The following SHANK1 variants were observed in gnomAD, a reference collection of about 807,000 sequenced individuals.
The protein encoded by SHANK1 is SH3 and multiple ankyrin repeat domains 1.
Under a neutral mutation model 165.6 loss-of-function variants are expected in SHANK1, and 35 were observed. The ratio of observed to expected loss-of-function variants is 0.21; its 90% CI spans 0.16 to 0.28. SHANK1 has a LOEUF of 0.28. Among genes scored for constraint, SHANK1 ranks in the 10% least tolerant of loss-of-function variants. The pLI is 1.00. For missense variants in SHANK1, 2,681 were observed against 3,036.4 expected, an observed-to-expected ratio of 0.88 and a Z score of 2.75; for synonymous variants, 1,428 against 1,384.8, an observed-to-expected ratio of 1.03 and a Z score of -0.69.
At chr19:50,699,917 CG>C (rs1986856852) in intron 12 of SHANK1, among the ~76,000 whole-genome samples, 5 of 56,436 alleles carry the variant, frequency 8.9e-5, no homozygotes, top group African/African-American at 3.4e-4. Context: ...TTGGAGGGCT[CG>C]GGGCATTGGA....
At chr19:50,714,394 T>C in intron 4 of SHANK1, 104 bp from the exon 5 acceptor site, 1 of 934,618 alleles carries the variant, frequency 1.1e-6, no homozygotes, top group Non-Finnish European at 1.6e-6. Context: ...TGGAGTCACA[T>C]ACGCCATTGA....
intron 18 of SHANK1, 78 bp downstream of exon 18, chr19:50,687,845 G>A (rs1986407448): frequency 1.9e-6 from 3 of 1,573,442 alleles, no homozygotes; most frequent in East Asian, 2.3e-5. Flanking sequence ...GCCTTGGGCA[G>A]CAGCAACCAG....
In SHANK1 at chr19:50,704,665, G is replaced by C. The variant is rs972808255; in HGVS notation, c.1078-151C>G. ...AGGACAGCAGCCACCTGCCAGGTAC[G>C]GACCAGGAGCACTTTAGTTTAAACG... On this transcript the variant is annotated intron_variant, in intron 8 of 23. Coordinates refer to ENST00000293441, the MANE Select transcript of SHANK1 (RefSeq NM_016148.5). 65 of 687,980 alleles carry C rather than the reference G, an allele frequency of 9.4e-5. No individual in the cohort carries two copies. The South Asian group carries it at 1.1e-3, about 12-fold the overall frequency. 42.6% of individuals were successfully genotyped at this position (687,980 alleles called of 1,614,324 possible). A position where few individuals can be genotyped will look rare whatever the true frequency, so the allele number is the denominator to read the frequency against.
chr19:50,667,420 C>T lies in SHANK1; in HGVS notation c.4540G>A (p.Asp1514Asn). 1.3e-6 allele frequency: 2 copies of T among 1,519,640 alleles called. No individual in the cohort carries two copies. The highest frequency in any genetic ancestry group is 1.8e-6 in the Non-Finnish European group (2 of 1,140,652). 94.1% of individuals were successfully genotyped at this position (1,519,640 alleles called of 1,614,324 possible). ...VTSGRGPPSE[D>N]GPGVPPPSPR... ...CTGGGCGGCGGGACCCCCGGCCCGTCCTCCGAGGGGGGACCCCTTCCGCTC... is the reference window on the plus strand; with the variant it reads ...CTGGGCGGCGGGACCCCCGGCCCGTTCTCCGAGGGGGGACCCCTTCCGCTC... The change falls in exon 23 of 24, where the codon GAC becomes AAC. Residue 1514 changes from aspartate to asparagine, a missense_variant. Physicochemically the swap from Asp to Asn is conservative, Grantham distance 23. Coordinates refer to ENST00000293441, the MANE Select transcript of SHANK1 (RefSeq NM_016148.5). The surrounding 1 kb of genome is among the most constrained non-coding windows in gnomAD (Gnocchi z 5.7).
rs1334122643 is a variant in SHANK1, at chr19:50,718,532, G to A, written c.-44+874C>T. On this transcript the variant is annotated intron_variant, in intron 1 of 23. Coordinates refer to ENST00000293441, the MANE Select transcript of SHANK1 (RefSeq NM_016148.5). This position sits in a 1 kb window ranked among gnomAD's most constrained non-coding sequence, Gnocchi z 5.1. ...CCCTCAGGGCTCGCGGGAGGGAGCG[G>A]GCACGCTCCGCCGGGGCGGCATGAA... Among the ~76,000 whole-genome samples, 1 of 152,216 alleles carries A rather than the reference G, an allele frequency of 6.6e-6. No individual in the cohort carries two copies. The highest frequency in any genetic ancestry group is 1.5e-5 in the Non-Finnish European group (1 of 68,028).
chr19:50,710,586 G>T lies in SHANK1; in HGVS notation c.1077+785C>A, dbSNP rs538975043. Among the ~76,000 whole-genome samples the T allele has an allele frequency of 7.5e-4, 114 of 152,308 alleles. 1 individual carries two copies. In the South Asian group the frequency reaches 0.016, roughly 21 times the overall value. Reference sequence around the variant, plus strand: ...AAGACCCGGCTCTTGCCAACCAGCTGCCACGAGCCCCCCTGCCTGCTCCGT... The same window carrying T: ...AAGACCCGGCTCTTGCCAACCAGCTTCCACGAGCCCCCCTGCCTGCTCCGT... On this transcript the variant is annotated intron_variant, in intron 8 of 23. Coordinates refer to ENST00000293441, the MANE Select transcript of SHANK1 (RefSeq NM_016148.5).
chr19:50,661,869 C>T lies in SHANK1; in HGVS notation c.*96G>A. 1 of 1,417,184 alleles carries T rather than the reference C, an allele frequency of 7.1e-7. No homozygotes were observed. The highest frequency in any genetic ancestry group is 9.8e-7 in the Non-Finnish European group (1 of 1,020,766). 87.8% of individuals were successfully genotyped at this position (1,417,184 alleles called of 1,614,324 possible). On this transcript the variant is annotated 3_prime_UTR_variant, in exon 24 of 24. Coordinates refer to ENST00000293441, the MANE Select transcript of SHANK1 (RefSeq NM_016148.5). ...GCAGGGCGCAGTTTGAACAGAGTCC[C>T]TGGCCCGGGGAGAGAATGACAGTCA...
In SHANK1 at chr19:50,661,852, C is replaced by T; in HGVS notation, c.*113G>A. On this transcript the variant is annotated 3_prime_UTR_variant, in exon 24 of 24. Transcript: ENST00000293441. ...GGCCTTGGGAGATGAGGGCAGGGCG[C>T]AGTTTGAACAGAGTCCCTGGCCCGG... 1 of 1,222,156 alleles carries T rather than the reference C, an allele frequency of 8.2e-7. No individual in the cohort carries two copies. The highest frequency in any genetic ancestry group is 1.2e-6 in the Non-Finnish European group (1 of 854,946). 75.7% of individuals were successfully genotyped at this position (1,222,156 alleles called of 1,614,324 possible). A position where few individuals can be genotyped will look rare whatever the true frequency, so the allele number is the denominator to read the frequency against.
At position 50,719,632 on chromosome 19, in the gene SHANK1, T is replaced by G. The variant is rs1302259693; in HGVS notation, c.-270A>C. On this transcript the variant is annotated 5_prime_UTR_variant, in exon 1 of 24. Coordinates refer to ENST00000293441, the MANE Select transcript of SHANK1 (RefSeq NM_016148.5). ...CTGGCCATCCGCAGAGCGCCCCCCC[T>G]TCCGCCGCGGCCGCCGCGCCCCTCC... is the stretch of plus-strand genomic sequence containing the variant. Among the ~76,000 whole-genome samples, 1 of 133,400 alleles carries G rather than the reference T, an allele frequency of 7.5e-6. No homozygotes were observed. The highest frequency in any genetic ancestry group is 2.5e-4 in the South Asian group (1 of 4,026). 87.5% of individuals were successfully genotyped at this position (133,400 alleles called of 152,430 possible).
rs147591667 is a variant in SHANK1, at chr19:50,691,129, G to A, written c.1965-1850C>T. Among the ~76,000 whole-genome samples, 109 of 152,268 alleles carry A rather than the reference G, an allele frequency of 7.2e-4. 2 individuals are homozygous for A. The East Asian group carries it at 0.019, about 26-fold the overall frequency. On this transcript the variant is annotated intron_variant, in intron 15 of 23. Transcript: ENST00000293441. ...GTCTTCCTCCCCTGGATAGAGAGGT[G>A]TTGGCAGAGAAGGAGGGAAGGGGCT...
rs560392328 is a variant in SHANK1, at chr19:50,682,672, T to TG, written c.2577+3564dup. Among the ~76,000 whole-genome samples the TG allele has an allele frequency of 2.6e-3, 400 of 152,092 alleles. 1 individual carries two copies. Among genetic ancestry groups the TG allele is most frequent in the African/African-American group, 8.7e-3 (362 of 41,476 alleles). On this transcript the variant is annotated intron_variant, in intron 21 of 23. Coordinates refer to ENST00000293441, the MANE Select transcript of SHANK1 (RefSeq NM_016148.5). Reference sequence around the variant, plus strand: ...AGGGAGGAGAGTGTAAAATACAGACTGGGGGGAGGCATGAAGAAATGGGAT... The same window carrying TG: ...AGGGAGGAGAGTGTAAAATACAGACTGGGGGGGAGGCATGAAGAAATGGGAT...
In SHANK1 at chr19:50,686,803, T is replaced by C; in HGVS notation, c.2399A>G (p.Gln800Arg). 4 of 1,613,688 alleles carry C rather than the reference T, an allele frequency of 2.5e-6. No homozygotes were observed. The highest frequency in any genetic ancestry group is 3.4e-6 in the Non-Finnish European group (4 of 1,179,756). The change falls in exon 20 of 24, where the codon CAG (glutamine) becomes CGG (arginine). Residue 800 changes from glutamine to arginine, a missense_variant. This residue lies in a region of SHANK1 where 206 missense variants were observed against 216.0 expected (regional missense o/e 0.95). Transcript: ENST00000293441. The surrounding 1 kb of genome is among the most constrained non-coding windows in gnomAD (Gnocchi z 5.7). ...CATGCTGGGCACCGGCGCCGGCTGC[T>C]GCTCGTACTCTGTGGGCAAAGAACA... ...TSELEEMEYE[Q>R]QPAPVPSMEK...
chr19:50,686,822 A>G lies in SHANK1; in HGVS notation c.2390-10T>C. The G allele has an allele frequency of 1.2e-6, 2 of 1,613,460 alleles. No homozygotes were observed. Among genetic ancestry groups the G allele is most frequent in the Non-Finnish European group, 1.7e-6 (2 of 1,179,642 alleles). On this transcript the variant is annotated splice_polypyrimidine_tract_variant and intron_variant, in intron 19 of 23. Transcript: ENST00000293441. This position sits in a 1 kb window ranked among gnomAD's most constrained non-coding sequence, Gnocchi z 5.7. Reference sequence around the variant, plus strand: ...GGCTGCTGCTCGTACTCTGTGGGCAAAGAACACGGATGACGCCCAGGGAGC... The same window carrying G: ...GGCTGCTGCTCGTACTCTGTGGGCAGAGAACACGGATGACGCCCAGGGAGC...
At chr19:50,665,069 T>C (rs114096891) in intron 23 of SHANK1, among the ~76,000 whole-genome samples, 1 of 152,130 alleles carries the variant, frequency 6.6e-6, no homozygotes, top group African/African-American at 2.4e-5. Context: ...TTAATAACTT[T>C]TTGTTCATCA....
intron 12 of SHANK1, among the ~76,000 whole-genome samples, chr19:50,698,455 G>A (rs1309363269): frequency 6.6e-6 from 1 of 152,136 alleles, no homozygotes; most frequent in Non-Finnish European, 1.5e-5. Context: ...GAAGGGAAAA[G>A]AGATTAGCAT....
Position 50,668,420 on chromosome 19 carries a change from C to T in SHANK1, c.3540G>A (p.Glu1180=), listed in dbSNP as rs1985650394. 3 of 1,326,520 alleles carry T rather than the reference C, an allele frequency of 2.3e-6. No individual in the cohort carries two copies. Among genetic ancestry groups the T allele is most frequent in the Admixed American group, 6.2e-5 (2 of 32,290 alleles). 82.2% of individuals were successfully genotyped at this position (1,326,520 alleles called of 1,614,324 possible). The change falls in exon 23 of 24, where the codon GAG becomes GAA. Residue 1180 remains glutamate (E), a synonymous_variant. Transcript: ENST00000293441. ...RSSQGSSTEA[E]PPTQPEPTGG... ...CCGTGGGCTCCGGCTGGGTGGGGGG[C>T]TCCGCCTCGGTGCTGCTGCCCTGGC...
Position 50,686,983 on chromosome 19 carries a change from CG to C in SHANK1, c.2390-172del. The C allele has an allele frequency of 2.1e-6, 3 of 1,413,118 alleles. No individual in the cohort carries two copies. Among genetic ancestry groups the C allele is most frequent in the Non-Finnish European group, 1.8e-6 (2 of 1,082,604 alleles). The allele number at this position is 1,413,118 out of a possible 1,614,324, so 87.5% of individuals were successfully genotyped here. On this transcript the variant is annotated intron_variant, in intron 19 of 23. Coordinates refer to ENST00000293441, the MANE Select transcript of SHANK1 (RefSeq NM_016148.5). This position sits in a 1 kb window ranked among gnomAD's most constrained non-coding sequence, Gnocchi z 5.7. ...CGAGTCCGCCGGCGGGGTCGGGAGA[CG>C]GGGGCCCTCCCGCCAGTCCTGTGCC...
Position 50,711,492 on chromosome 19 carries a change from G to A in SHANK1, c.961-5C>T, listed in dbSNP as rs2089010220. 1.3e-6 allele frequency: 2 copies of A among 1,569,574 alleles called. No individual in the cohort carries two copies. The highest frequency in any genetic ancestry group is 1.7e-6 in the Non-Finnish European group (2 of 1,157,168). On this transcript the variant is annotated splice_polypyrimidine_tract_variant and splice_region_variant and intron_variant, in intron 7 of 23. Coordinates refer to ENST00000293441, the MANE Select transcript of SHANK1 (RefSeq NM_016148.5). ...AGAGTGACCCCGCTGGCAGGCCTGG[G>A]CAGGACAGGGAGCGAGGGGCATGGA... is the stretch of plus-strand genomic sequence containing the variant.
At position 50,667,367 on chromosome 19, in the gene SHANK1, CGGGGAGGGG is replaced by C. The variant is rs1035380440; in HGVS notation, c.4584_4592del (p.Pro1529_Pro1531del). On this transcript the variant is annotated inframe_deletion, in exon 23 of 24. Transcript: ENST00000293441. This position sits in a 1 kb window ranked among gnomAD's most constrained non-coding sequence, Gnocchi z 5.7. Reference sequence around the variant, plus strand: ...TCTCTTCGCTGGCCCTCGGGGAGGTCGGGGAGGGGGGCACGGACCGGCGTGGGCTGGGCG... The same window carrying C: ...TCTCTTCGCTGGCCCTCGGGGAGGTCGGCACGGACCGGCGTGGGCTGGGCG... The C allele has an allele frequency of 1.4e-6, 2 of 1,477,522 alleles. No individual in the cohort carries two copies. The highest frequency in any genetic ancestry group is 1.8e-6 in the Non-Finnish European group (2 of 1,103,230). 91.5% of individuals were successfully genotyped at this position (1,477,522 alleles called of 1,614,324 possible). A position where few individuals can be genotyped will look rare whatever the true frequency, so the allele number is the denominator to read the frequency against.
Sources: allele counts gnomAD v4.1 joint callset (sites outside exome capture counted in the v4.1 genomes callset), GRCh38; gene constraint gnomAD v4.1.1; regional missense constraint gnomAD v4.1.1; non-coding constraint Gnocchi (gnomAD v3.1); transcripts MANE v1.5; gene names NCBI Gene and HGNC (gene_info 2026-07-23, HGNC 2026-07-21).